The following EIF4G3 variants were observed in gnomAD, a reference collection of about 807,000 sequenced individuals.
The protein encoded by EIF4G3 is eIF-4-gamma 3.
Under a neutral mutation model 186.4 loss-of-function variants are expected in EIF4G3, and 34 were observed. The ratio of observed to expected loss-of-function variants is 0.18; its 90% CI spans 0.14 to 0.24. The LOEUF (loss-of-function observed/expected upper bound fraction) is 0.24. Ranked by LOEUF, EIF4G3 falls within the 10% of genes least tolerant of loss-of-function variation. The pLI, the probability that EIF4G3 is intolerant of heterozygous loss-of-function variation, is 1.00. For missense variants in EIF4G3, 1,536 were observed against 1,948.5 expected, an observed-to-expected ratio of 0.79 and a Z score of 3.99; for synonymous variants, 673 against 679.5, an observed-to-expected ratio of 0.99 and a Z score of 0.15.
Position 21,109,077 on chromosome 1 carries a change from G to A in EIF4G3, c.-271-19864C>T, listed in dbSNP as rs538831918. On this transcript the variant is annotated intron_variant, in intron 2 of 36. Transcript: ENST00000602326. ...TACTAAAAATACAAAAATTAGCTGGGCATAGTGGTGCACATCTGTAATCCC... is the reference window on the plus strand; with the variant it reads ...TACTAAAAATACAAAAATTAGCTGGACATAGTGGTGCACATCTGTAATCCC... Among the ~76,000 whole-genome samples, 5 of 152,042 alleles carry A rather than the reference G, an allele frequency of 3.3e-5. No individual in the cohort carries two copies. In the South Asian group the frequency reaches 8.3e-4, roughly 25 times the overall value.
chr1:20,875,522 T>C (rs2080502590), intron 20 of EIF4G3, among the ~76,000 whole-genome samples: 1 of 152,206 alleles, frequency 6.6e-6, no homozygotes, highest in South Asian at 2.1e-4. Flanking sequence ...TTTACATCAT[T>C]AAATTTGGCA....
chr1:21,040,768 A>T (rs993910541), intron 4 of EIF4G3, among the ~76,000 whole-genome samples: 1 of 152,198 alleles, frequency 6.6e-6, no homozygotes, highest in Admixed American at 6.5e-5. Context: ...GTCCCTGTGG[A>T]TGAACCCTAA....
chr1:21,117,027 T>C (rs1285975364), intron 2 of EIF4G3, among the ~76,000 whole-genome samples: 1 of 152,168 alleles, frequency 6.6e-6, no homozygotes, highest in African/African-American at 2.4e-5. Context: ...AGTCCAGCTC[T>C]ATCTGATAAA....
intron 19 of EIF4G3, among the ~76,000 whole-genome samples, chr1:20,885,010 A>C (rs2083642907): frequency 1.3e-5 from 2 of 152,180 alleles, no homozygotes; most frequent in Non-Finnish European, 2.9e-5. Context: ...TCTCATAAGG[A>C]GCGTGCAACC....
intron 3 of EIF4G3, among the ~76,000 whole-genome samples, chr1:21,058,717 C>CTT (rs2094704578): frequency 2.9e-5 from 3 of 104,682 alleles, no homozygotes; most frequent in African/African-American, 4.1e-5. Flanking sequence ...CTCTCTCTCT[C>CTT]TCTTTTTTTT....
At chr1:20,965,068 A>C (rs2154564993) in intron 12 of EIF4G3, among the ~76,000 whole-genome samples, 1 of 152,228 alleles carries the variant, frequency 6.6e-6, no homozygotes, top group African/African-American at 2.4e-5. Flanking sequence ...TTTCTGTTTC[A>C]TGCATTTTGG....
intron 3 of EIF4G3, among the ~76,000 whole-genome samples, chr1:21,084,314 CAAT>C (rs995313273): frequency 4.0e-5 from 6 of 151,172 alleles, no homozygotes; most frequent in Non-Finnish European, 8.8e-5. Context: ...AAGAAACTTA[CAAT>C]AATGGTAGAA....
chr1:20,900,932 G>A (rs1402708936), intron 15 of EIF4G3, among the ~76,000 whole-genome samples: 3 of 152,086 alleles, frequency 2.0e-5, no homozygotes, highest in African/African-American at 7.2e-5. Flanking sequence ...ATACTTCTTT[G>A]TTAGATAGTA....
In EIF4G3 at chr1:21,050,908, C is replaced by G. The variant is rs145480249; in HGVS notation, c.-109G>C. On this transcript the variant is annotated 5_prime_UTR_variant, in exon 4 of 37. Transcript: ENST00000602326. ...ACGATGCATGTCCCGGGGGCGTTGCCGCAAGATTTGGATGCCCCTTGTTTA... is the reference window on the plus strand; with the variant it reads ...ACGATGCATGTCCCGGGGGCGTTGCGGCAAGATTTGGATGCCCCTTGTTTA... The G allele has an allele frequency of 1.4e-6, 1 of 713,600 alleles. No homozygotes were observed. The highest frequency in any genetic ancestry group is 2.0e-5 in the Admixed American group (1 of 48,792). 44.2% of individuals were successfully genotyped at this position (713,600 alleles called of 1,614,324 possible). A position where few individuals can be genotyped will look rare whatever the true frequency, so the allele number is the denominator to read the frequency against.
In EIF4G3 at chr1:21,061,864, T is replaced by C. The variant is rs546629950; in HGVS notation, c.-195-10870A>G. Among the ~76,000 whole-genome samples, 15 of 151,580 alleles carry C rather than the reference T, an allele frequency of 9.9e-5. No homozygotes were observed. In the South Asian group the frequency reaches 2.7e-3, roughly 27 times the overall value. On this transcript the variant is annotated intron_variant, in intron 3 of 36. Transcript: ENST00000602326. Reference sequence around the variant, plus strand: ...CTGGTTTCAAGCAATTCTCCTGCCTTAGCCTCCCAAGTAGCTGGGACTACA... The same window carrying C: ...CTGGTTTCAAGCAATTCTCCTGCCTCAGCCTCCCAAGTAGCTGGGACTACA...
chr1:20,927,949 A>G (rs1438417914), intron 14 of EIF4G3, among the ~76,000 whole-genome samples: 1 of 151,804 alleles, frequency 6.6e-6, no homozygotes, highest in East Asian at 1.9e-4. Context: ...CCTCAATCTC[A>G]AAGGCTCAAG....
chr1:20,892,075 A>T (rs1258404926), intron 18 of EIF4G3, among the ~76,000 whole-genome samples: 1 of 152,190 alleles, frequency 6.6e-6, no homozygotes, highest in African/African-American at 2.4e-5. Context: ...GCAGGAAAAT[A>T]ATCAAATAAT....
chr1:20,942,337 A>G lies in EIF4G3; in HGVS notation c.824-7T>C, dbSNP rs1000040589. 48 of 1,522,950 alleles carry G rather than the reference A, an allele frequency of 3.2e-5. No homozygotes were observed. The highest frequency in any genetic ancestry group is 3.7e-5 in the Non-Finnish European group (42 of 1,137,254). The allele number at this position is 1,522,950 out of a possible 1,614,324, so 94.3% of individuals were successfully genotyped here. On this transcript the variant is annotated splice_polypyrimidine_tract_variant and splice_region_variant and intron_variant, in intron 13 of 36. Transcript: ENST00000602326. ...TCTGGTTTTGGCTTCTCCTCTGGGG[A>G]AAAAAAAATAAGTTTTAAGAATAAT...
Position 20,807,580 on chromosome 1 carries a change from G to A in EIF4G3, c.4745-80C>T, listed in dbSNP as rs941891177. 8.8e-6 allele frequency: 11 copies of A among 1,251,682 alleles called. No homozygotes were observed. In the African/African-American group the frequency reaches 1.4e-4, roughly 15 times the overall value. The allele number at this position is 1,251,682 out of a possible 1,614,324, so 77.5% of individuals were successfully genotyped here. On this transcript the variant is annotated intron_variant, in intron 36 of 36. Coordinates refer to ENST00000602326, the MANE Select transcript of EIF4G3 (RefSeq NM_001391906.1). ...AAGAATATATTTCAAAATAATGAAT[G>A]ACTGAATAAATGTGCATTAATTCCC...
At chr1:21,144,303 C>T (rs1024730935) in intron 2 of EIF4G3, among the ~76,000 whole-genome samples, 1 of 152,126 alleles carries the variant, frequency 6.6e-6, no homozygotes, top group African/African-American at 2.4e-5. Flanking sequence ...GGCTAAAGTG[C>T]GCTGGCACAA....
chr1:21,062,461 A>T (rs1415186315), intron 3 of EIF4G3, among the ~76,000 whole-genome samples: 3 of 152,224 alleles, frequency 2.0e-5, no homozygotes, highest in Admixed American at 2.0e-4. Flanking sequence ...AGAATTTCAA[A>T]ATATAGGCAA....
intron 14 of EIF4G3, among the ~76,000 whole-genome samples, chr1:20,929,875 T>C (rs17416732): frequency 0.33 from 49,585 of 151,930 alleles, 8,707 homozygotes; most frequent in Non-Finnish European, 0.39. Context: ...ATCAAATACA[T>C]GAAAAACTAC....
chr1:21,070,319 C>T (rs2095406057), intron 3 of EIF4G3, among the ~76,000 whole-genome samples: 1 of 151,950 alleles, frequency 6.6e-6, no homozygotes, highest in African/African-American at 2.4e-5. Flanking sequence ...AAAAGTAGTG[C>T]CCTCTTTACC....
At chr1:21,029,752 A>T (rs2092563070) in intron 4 of EIF4G3, among the ~76,000 whole-genome samples, 1 of 152,226 alleles carries the variant, frequency 6.6e-6, no homozygotes, top group African/African-American at 2.4e-5. Context: ...AAAGAAATGG[A>T]TTAAAGAATT....
Sources: allele counts gnomAD v4.1 joint callset (sites outside exome capture counted in the v4.1 genomes callset), GRCh38; gene constraint gnomAD v4.1.1; transcripts MANE v1.5; gene names NCBI Gene and HGNC (gene_info 2026-07-23, HGNC 2026-07-21).